Variants in SERPINB7 observed in about 807,000 individuals in gnomAD.
SERPINB7 encodes serpin B7.
A neutral mutation model predicts 37.4 loss-of-function variants in SERPINB7; 31 were observed. The observed-to-expected ratio is 0.83, with a 90% confidence interval of 0.62 to 1.12. The LOEUF (loss-of-function observed/expected upper bound fraction) is 1.12, where lower values mean the gene tolerates loss of function less well. SERPINB7 is among the 50% of genes most tolerant of loss of function. SERPINB7 has a pLI of 0.00. For synonymous variants in SERPINB7, 163 were observed against 166.1 expected, an observed-to-expected ratio of 0.98 and a Z score of 0.14; for missense variants, 521 against 455.3, an observed-to-expected ratio of 1.14 and a Z score of -1.31.
chr18:63,770,029 G>A (rs2049201593), intron 1 of SERPINB7, among the ~76,000 whole-genome samples: 1 of 149,306 alleles, frequency 6.7e-6, no homozygotes, highest in African/African-American at 2.5e-5. Flanking sequence ...TCAAAGGATG[G>A]AGGCAGGACA....
intron 1 of SERPINB7, among the ~76,000 whole-genome samples, chr18:63,764,651 C>CA (rs59398905): frequency 0.23 from 34,178 of 151,418 alleles, 4,513 homozygotes; most frequent in East Asian, 0.67. Flanking sequence ...TTTTAATTGG[C>CA]AAAAAAAATG....
chr18:63,794,481 G>C (rs2049464717), intron 4 of SERPINB7, among the ~76,000 whole-genome samples: 1 of 151,952 alleles, frequency 6.6e-6, no homozygotes, highest in African/African-American at 2.4e-5. Context: ...ACAAGGTCAG[G>C]AGGTCAAGAC....
chr18:63,802,006 C>T (rs2049555072), intron 7 of SERPINB7, among the ~76,000 whole-genome samples: 1 of 152,132 alleles, frequency 6.6e-6, no homozygotes, highest in Non-Finnish European at 1.5e-5. Context: ...CTACTATGAT[C>T]CTTGCTTTAC....
chr18:63,765,225 A>G (rs184403608), intron 1 of SERPINB7, among the ~76,000 whole-genome samples: 195 of 152,260 alleles, frequency 1.3e-3, no homozygotes, highest in African/African-American at 4.5e-3. Flanking sequence ...CTCTTGTTCA[A>G]TTACCAAAGC....
In SERPINB7 at chr18:63,796,299, G is replaced by A. The variant is rs567475514; in HGVS notation, c.370G>A (p.Ala124Thr). 6.0e-5 allele frequency: 97 copies of A among 1,612,988 alleles called. 1 individual carries two copies. The South Asian group carries it at 9.4e-4, about 16-fold the overall frequency. The change falls in exon 5 of 8, where the codon GCC (alanine) becomes ACC (threonine). Residue 124 changes from alanine (A) to threonine (T), a missense_variant. Physicochemically the swap from Ala to Thr is moderately conservative, Grantham distance 58. Transcript: ENST00000398019. ...YIECAEKLYD[A>T]KVERVDFTNH... Reference sequence around the variant, plus strand: ...TGAGTGTGCCGAAAAATTATACGATGCCAAAGTGGAGCGAGTTGACTTTAC... The same window carrying A: ...TGAGTGTGCCGAAAAATTATACGATACCAAAGTGGAGCGAGTTGACTTTAC...
upstream of SERPINB7, among the ~76,000 whole-genome samples, chr18:63,774,766 T>A (rs987647018): frequency 2.0e-5 from 3 of 152,244 alleles, no homozygotes; most frequent in Admixed American, 2.0e-4. Context: ...TATCTGAAGC[T>A]GCTCAGTTCA....
At position 63,796,296 on chromosome 18, in the gene SERPINB7, G is replaced by T. The variant is rs900031047; in HGVS notation, c.367G>T (p.Asp123Tyr). ...CATTGAGTGTGCCGAAAAATTATAC[G>T]ATGCCAAAGTGGAGCGAGTTGACTT... ...DYIECAEKLY[D>Y]AKVERVDFTN... The change falls in exon 5 of 8, where the codon GAT (aspartate) becomes TAT (tyrosine). Residue 123 changes from aspartate (D) to tyrosine (Y), a missense_variant. Physicochemically the swap from Asp to Tyr is radical, Grantham distance 160. Transcript: ENST00000398019. 2 of 1,612,478 alleles carry T rather than the reference G, an allele frequency of 1.2e-6. No individual in the cohort carries two copies. The highest frequency in any genetic ancestry group is 1.7e-6 in the Non-Finnish European group (2 of 1,178,938).
intron 1 of SERPINB7, among the ~76,000 whole-genome samples, chr18:63,769,530 T>C (rs796923718): frequency 3.3e-5 from 5 of 152,290 alleles, no homozygotes; most frequent in African/African-American, 9.6e-5. Flanking sequence ...AAGTATTTTG[T>C]ATTATGTCCT....
In SERPINB7 at chr18:63,804,877, C is replaced by T; in HGVS notation, c.*242C>T. 2.1e-6 allele frequency: 1 copy of T among 487,166 alleles called. No individual in the cohort carries two copies. Among genetic ancestry groups the T allele is most frequent in the South Asian group, 3.8e-5 (1 of 26,638 alleles). The allele number at this position is 487,166 out of a possible 1,614,324, so 30.2% of individuals were successfully genotyped here. On this transcript the variant is annotated 3_prime_UTR_variant, in exon 8 of 8. Transcript: ENST00000398019. ...CATTTCTAATTTCATTGTCTTTCTT[C>T]CCACGCTCATTTCTATCATTCTCCC...
intron 1 of SERPINB7, among the ~76,000 whole-genome samples, chr18:63,767,522 C>T (rs973023098): frequency 6.6e-6 from 1 of 152,080 alleles, no homozygotes; most frequent in East Asian, 1.9e-4. Context: ...ACTGTGTTTC[C>T]TCCCTCGCCT....
chr18:63,800,926 G>C lies in SERPINB7; in HGVS notation c.658G>C (p.Glu220Gln). Residue 220 changes from glutamate to glutamine, a missense_variant, in exon 7 of 8, where the codon GAG becomes CAG. Transcript: ENST00000398019. ...ACGGAAGTTCAATTTGTCTGTTATT[G>C]AGGACCCATCAATGAAGATTCTTGA... Reference protein sequence around the residue: ...QERKFNLSVIEDPSMKILELR... With the variant: ...QERKFNLSVIQDPSMKILELR... The C allele has an allele frequency of 6.2e-7, 1 of 1,614,034 alleles. No homozygotes were observed. Among genetic ancestry groups the C allele is most frequent in the Non-Finnish European group, 8.5e-7 (1 of 1,179,898 alleles).
intron 1 of SERPINB7, among the ~76,000 whole-genome samples, chr18:63,770,126 G>A (rs893071785): frequency 6.7e-6 from 1 of 150,276 alleles, no homozygotes; most frequent in African/African-American, 2.5e-5. Context: ...CCAGGCCAGT[G>A]GGGAGGATAG....
intron 1 of SERPINB7, among the ~76,000 whole-genome samples, chr18:63,779,027 C>T (rs1367774578): frequency 6.6e-6 from 1 of 152,084 alleles, no homozygotes; most frequent in Non-Finnish European, 1.5e-5. Flanking sequence ...TTGAAAAGAA[C>T]TTTCCTGCAT....
intron 2 of SERPINB7, among the ~76,000 whole-genome samples, chr18:63,790,575 T>G (rs188707252): frequency 1.8e-4 from 28 of 152,316 alleles, no homozygotes; most frequent in Middle Eastern, 3.4e-3. Flanking sequence ...TGAGACAATG[T>G]GTAGTTATAA....
chr18:63,800,439 C>G (rs1445948650), intron 6 of SERPINB7, among the ~76,000 whole-genome samples: 1 of 151,986 alleles, frequency 6.6e-6, no homozygotes, highest in Non-Finnish European at 1.5e-5. Flanking sequence ...ATTCATTTTT[C>G]ATTTTAATGT....
chr18:63,784,239 T>C (rs942729407), intron 2 of SERPINB7, among the ~76,000 whole-genome samples: 5 of 152,240 alleles, frequency 3.3e-5, no homozygotes, highest in Admixed American at 3.3e-4. Flanking sequence ...ACTGGTTTTC[T>C]CAACTTTGGC....
At chr18:63,773,781 T>C (rs2049225460), upstream of SERPINB7, among the ~76,000 whole-genome samples, 1 of 152,158 alleles carries the variant, frequency 6.6e-6, no homozygotes, top group Admixed American at 6.5e-5. Flanking sequence ...CTTATGTCAC[T>C]TTGGGATTGG....
At chr18:63,786,099 G>GTA (rs56321333) in intron 2 of SERPINB7, among the ~76,000 whole-genome samples, 5,375 of 62,588 alleles carry the variant, frequency 0.086, 1,354 homozygotes, top group African/African-American at 0.31. Flanking sequence ...TATAATATAA[G>GTA]TATATATATG....
At chr18:63,789,492 T>C (rs1418956393) in intron 2 of SERPINB7, among the ~76,000 whole-genome samples, 1 of 152,220 alleles carries the variant, frequency 6.6e-6, no homozygotes, top group African/African-American at 2.4e-5. Flanking sequence ...GGAAGGTCCC[T>C]GTTGAACCTC....
Sources: gnomAD v4.1 joint callset for allele counts (sites outside exome capture counted in the v4.1 genomes callset) on GRCh38, gnomAD v4.1.1 for gene constraint, MANE v1.5 for transcripts, NCBI Gene and HGNC (gene_info 2026-07-23, HGNC 2026-07-21) for gene names.